MARCHF1: variants seen among roughly 807,000 people sequenced by gnomAD.
MARCHF1 encodes E3 ubiquitin-protein ligase MARCHF1.
In MARCHF1, 40 loss-of-function variants were observed where a neutral mutation model predicts 54.2. The ratio of observed to expected loss-of-function variants is 0.74; its 90% confidence interval spans 0.57 to 0.96. MARCHF1 has a LOEUF of 0.96. Ranked by LOEUF, MARCHF1 falls within the 40% of genes least tolerant of loss-of-function variation. The pLI is 0.00. For synonymous variants in MARCHF1, 236 were observed against 236.3 expected (o/e 1.00, Z 0.01); for missense variants, 586 against 656.5 (o/e 0.89, Z 1.17).
chr4:163,597,123 T>G (rs1740801471), intron 7 of MARCHF1, among the ~76,000 whole-genome samples: 1 of 152,074 alleles, frequency 6.6e-6, no homozygotes, highest in Non-Finnish European at 1.5e-5. Context: ...GCCCGACTAA[T>G]TTTTGCATTT....
chr4:163,921,252 G>C (rs1232145174), intron 3 of MARCHF1, among the ~76,000 whole-genome samples: 3 of 150,408 alleles, frequency 2.0e-5, no homozygotes, highest in African/African-American at 7.5e-5. Context: ...TAGATGTTTG[G>C]AAACAGAGGA....
At chr4:164,101,984 C>A (rs1257591105) in intron 2 of MARCHF1, among the ~76,000 whole-genome samples, 2 of 129,724 alleles carry the variant, frequency 1.5e-5, no homozygotes, top group Non-Finnish European at 3.2e-5. Flanking sequence ...CCTCAGGAGC[C>A]GATGCAATCA....
At chr4:164,204,758 A>C (rs1332589739) in intron 1 of MARCHF1, among the ~76,000 whole-genome samples, 1 of 152,252 alleles carries the variant, frequency 6.6e-6, no homozygotes, top group Non-Finnish European at 1.5e-5. Context: ...AAGACAATTC[A>C]GAGCCAAGTA....
intron 3 of MARCHF1, among the ~76,000 whole-genome samples, chr4:163,869,378 A>G (rs1750122256): frequency 6.6e-6 from 1 of 152,064 alleles, no homozygotes; most frequent in Non-Finnish European, 1.5e-5. Context: ...AACAAGGGCA[A>G]TTCAACAGAT....
At chr4:163,622,485 T>TAGG (rs1408097458) in intron 5 of MARCHF1, among the ~76,000 whole-genome samples, 6 of 151,930 alleles carry the variant, frequency 3.9e-5, no homozygotes, top group Non-Finnish European at 8.8e-5. Flanking sequence ...TCTACAGTAA[T>TAGG]AGGAGCTCAA....
intron 1 of MARCHF1, among the ~76,000 whole-genome samples, chr4:164,322,858 T>C (rs2110768947): frequency 6.6e-6 from 1 of 152,104 alleles, no homozygotes; most frequent in Non-Finnish European, 1.5e-5. Flanking sequence ...TAATATTAGG[T>C]AATTATAATT....
chr4:163,638,144 A>G (rs1470040852), intron 5 of MARCHF1, among the ~76,000 whole-genome samples: 1 of 149,858 alleles, frequency 6.7e-6, no homozygotes. Flanking sequence ...CTAATGCTAG[A>G]TGACGAGTTA....
intron 4 of MARCHF1, among the ~76,000 whole-genome samples, chr4:163,703,231 T>A (rs1744859080): frequency 6.6e-6 from 1 of 152,126 alleles, no homozygotes; most frequent in South Asian, 2.1e-4. Flanking sequence ...CTATACAATT[T>A]TTTTTTTTAC....
chr4:163,902,939 C>T (rs190605803), intron 3 of MARCHF1, among the ~76,000 whole-genome samples: 19 of 152,196 alleles, frequency 1.2e-4, no homozygotes, highest in Admixed American at 7.9e-4. Context: ...CCTTTCCCTT[C>T]GAGAGGCACA....
intron 3 of MARCHF1, among the ~76,000 whole-genome samples, chr4:163,949,471 T>C (rs1752088985): frequency 6.6e-6 from 1 of 152,122 alleles, no homozygotes. Context: ...ATCCACAATG[T>C]GGTGAGAAAG....
At chr4:164,196,424 G>T (rs1245746702) in intron 1 of MARCHF1, among the ~76,000 whole-genome samples, 1 of 144,514 alleles carries the variant, frequency 6.9e-6, no homozygotes, top group Admixed American at 6.9e-5. Flanking sequence ...AGTATAAAGT[G>T]CATTATTATT....
rs745679276 is a variant in MARCHF1, at chr4:163,612,987, A to G, written c.294T>C (p.Pro98=). ...MSEESFEYCT[P]VMVLSPARKE... ...TCCTAGCAGGGCTCAGCACCATGACAGGGGTGCAATACTCAAATGACTCTT... is the reference window on the plus strand; with the variant it reads ...TCCTAGCAGGGCTCAGCACCATGACGGGGGTGCAATACTCAAATGACTCTT... Residue 98 remains proline (P), a synonymous_variant, in exon 7 of 10, where the codon CCT becomes CCC. Coordinates refer to ENST00000514618, the MANE Select transcript of MARCHF1 (RefSeq NM_001394959.1). The G allele has an allele frequency of 1.3e-4, 199 of 1,528,362 alleles. No individual in the cohort carries two copies. The highest frequency in any genetic ancestry group is 1.7e-4 in the Non-Finnish European group (197 of 1,144,322). The allele number at this position is 1,528,362 out of a possible 1,614,324, so 94.7% of individuals were successfully genotyped here.
In MARCHF1 at chr4:163,882,500, C is replaced by G. The variant is rs188458532; in HGVS notation, c.-38-28331G>C. On this transcript the variant is annotated intron_variant, in intron 3 of 9. Transcript: ENST00000514618. ...ATTACAAATGTCTAAATAATTTACC[C>G]GATATTTAAGTTTCATAATTCTGTG... Among the ~76,000 whole-genome samples, 57 of 152,232 alleles carry G rather than the reference C, an allele frequency of 3.7e-4. 1 individual carries two copies. The East Asian group carries it at 0.01, about 27-fold the overall frequency.
chr4:163,567,311 A>T (rs753784808), intron 8 of MARCHF1, among the ~76,000 whole-genome samples: 1 of 152,138 alleles, frequency 6.6e-6, no homozygotes, highest in Non-Finnish European at 1.5e-5. Context: ...ATATTTTCAG[A>T]ATGATTGAAA....
At position 163,942,933 on chromosome 4, in the gene MARCHF1, C is replaced by CA. The variant is rs375426772; in HGVS notation, c.-39+45567dup. ...ACTTATTTGAAGAAAACCTCTCTTC[C>CA]AAAAAAAAAAAAGAACAAAATGGAT... On this transcript the variant is annotated intron_variant, in intron 3 of 9. Transcript: ENST00000514618. Among the ~76,000 whole-genome samples, 276 of 139,764 alleles carry CA rather than the reference C, an allele frequency of 2.0e-3. 2 individuals are homozygous for CA. Among genetic ancestry groups the CA allele is most frequent in the South Asian group, 0.013 (55 of 4,398 alleles). The allele number at this position is 139,764 out of a possible 152,430, so 91.7% of individuals were successfully genotyped here. A position where few individuals can be genotyped will look rare whatever the true frequency, so the allele number is the denominator to read the frequency against.
At chr4:163,820,151 A>G (rs1219772497) in intron 4 of MARCHF1, among the ~76,000 whole-genome samples, 3 of 151,974 alleles carry the variant, frequency 2.0e-5, no homozygotes, top group Non-Finnish European at 4.4e-5. Context: ...TCAGTTCCCA[A>G]TAGTCCACTG....
At chr4:163,722,712 C>T (rs1745514406) in intron 4 of MARCHF1, among the ~76,000 whole-genome samples, 1 of 152,134 alleles carries the variant, frequency 6.6e-6, no homozygotes. Flanking sequence ...CTGGGTGCTC[C>T]TGTATTGGGT....
chr4:163,746,831 G>T (rs1579252241), intron 4 of MARCHF1, among the ~76,000 whole-genome samples: 1 of 152,168 alleles, frequency 6.6e-6, no homozygotes, highest in Admixed American at 6.5e-5. Context: ...TTCACCTCAT[G>T]AGCCATCATC....
At chr4:163,585,013 G>T (rs891143477) in intron 8 of MARCHF1, 1 of 152,138 alleles carries the variant, frequency 6.6e-6, no homozygotes, top group African/African-American at 2.4e-5. Flanking sequence ...TAAGTTCATT[G>T]TCCTTGTTTG....
Sources: gnomAD v4.1 joint callset for allele counts (sites outside exome capture counted in the v4.1 genomes callset) on GRCh38, gnomAD v4.1.1 for gene constraint, MANE v1.5 for transcripts, NCBI Gene and HGNC (gene_info 2026-07-23, HGNC 2026-07-21) for gene names.